Variants in CLDN10 observed in about 807,000 individuals in gnomAD.
The protein encoded by CLDN10 is claudin-10.
A neutral mutation model predicts 22.9 loss-of-function variants in CLDN10; 15 were observed. The observed-to-expected ratio is 0.65, with a 90% CI of 0.44 to 1.01. The LOEUF (loss-of-function observed/expected upper bound fraction) is 1.01, where lower values mean the gene tolerates loss of function less well. Among genes scored for constraint, CLDN10 ranks in the 50% least tolerant of loss-of-function variants. The pLI, the probability that CLDN10 is intolerant of heterozygous loss-of-function variation, is 0.00. For missense variants in CLDN10, 247 were observed against 287.8 expected, an observed-to-expected ratio of 0.86 and a Z score of 1.03; for synonymous variants, 114 against 111.4, an observed-to-expected ratio of 1.02 and a Z score of -0.15.
chr13:95,541,847 C>T (rs1364404204), intron 1 of CLDN10, among the ~76,000 whole-genome samples: 2 of 152,188 alleles, frequency 1.3e-5, no homozygotes, highest in African/African-American at 4.8e-5. Flanking sequence ...TTATATTTTT[C>T]ATATGTAAAA....
At chr13:95,517,217 C>T (rs1456174201) in intron 1 of CLDN10, among the ~76,000 whole-genome samples, 1 of 151,768 alleles carries the variant, frequency 6.6e-6, no homozygotes, top group African/African-American at 2.4e-5. Flanking sequence ...CCTTCCCTCT[C>T]TCCTTTCTTC....
chr13:95,515,587 C>A (rs1425461213), intron 1 of CLDN10, among the ~76,000 whole-genome samples: 1 of 152,124 alleles, frequency 6.6e-6, no homozygotes, highest in Non-Finnish European at 1.5e-5. Flanking sequence ...GAGTCAGGGG[C>A]CCTAACCAAG....
chr13:95,574,695 G>A (rs141793777), intron 3 of CLDN10, among the ~76,000 whole-genome samples: 3,739 of 152,186 alleles, frequency 0.025, 85 homozygotes, highest in South Asian at 0.044. Flanking sequence ...GCTTGAACTC[G>A]GGAGGTGGAG....
At chr13:95,493,924 C>T (rs1448570578) in intron 1 of CLDN10, among the ~76,000 whole-genome samples, 1 of 152,144 alleles carries the variant, frequency 6.6e-6, no homozygotes, top group Non-Finnish European at 1.5e-5. Context: ...CCACGTTGTG[C>T]ATGTATCAAA....
At chr13:95,445,132 G>A (rs1056675534) in intron 1 of CLDN10, among the ~76,000 whole-genome samples, 2 of 152,212 alleles carry the variant, frequency 1.3e-5, no homozygotes, top group Non-Finnish European at 2.9e-5. Context: ...TGATGGTGAC[G>A]ACTGAATGCA....
Position 95,434,092 on chromosome 13 carries a change from TC to T in CLDN10, c.214+51del, listed in dbSNP as rs1441308724. 6 of 1,540,816 alleles carry T rather than the reference TC, an allele frequency of 3.9e-6. No individual in the cohort carries two copies. The East Asian group carries it at 6.8e-5, about 17-fold the overall frequency. ...TTGGGGTGGAGGTAAAATGTACTTT[TC>T]CCCCCGACTGTGCTGAAGTAGCTGT... On this transcript the variant is annotated intron_variant, in intron 1 of 4. Transcript: ENST00000376873.
chr13:95,499,867 A>T (rs2138535626), intron 1 of CLDN10, among the ~76,000 whole-genome samples: 1 of 152,338 alleles, frequency 6.6e-6, no homozygotes, highest in South Asian at 2.1e-4. Context: ...ACATTGGAAG[A>T]ATTGTCTTGG....
intron 1 of CLDN10, among the ~76,000 whole-genome samples, chr13:95,476,193 G>A (rs970244044): frequency 2.0e-5 from 3 of 152,196 alleles, no homozygotes; most frequent in African/African-American, 7.2e-5. Context: ...TTGGTTAGAC[G>A]TGTGTGGAGC....
chr13:95,530,596 G>A (rs1293008918), intron 1 of CLDN10, among the ~76,000 whole-genome samples: 1 of 152,142 alleles, frequency 6.6e-6, no homozygotes, highest in African/African-American at 2.4e-5. Flanking sequence ...TCATAAAGGA[G>A]AATGTTAATG....
Position 95,517,826 on chromosome 13 carries a change from C to T in CLDN10, c.215-42306C>T, listed in dbSNP as rs530363968. Among the ~76,000 whole-genome samples the T allele has an allele frequency of 2.4e-4, 36 of 150,012 alleles. 1 individual carries two copies. The highest frequency in any genetic ancestry group is 1.3e-3 in the Admixed American group (20 of 14,836). ...GCGGGTGCCTGTAATCCCAGCTACT[C>T]AGGAGGGTAAGGCAGGAGAATCACT... is the stretch of plus-strand genomic sequence containing the variant. On this transcript the variant is annotated intron_variant, in intron 1 of 4. Transcript: ENST00000376873.
chr13:95,493,109 A>T (rs1478877333), intron 1 of CLDN10, among the ~76,000 whole-genome samples: 1 of 151,862 alleles, frequency 6.6e-6, no homozygotes, highest in African/African-American at 2.4e-5. Flanking sequence ...CTTGCAGTTG[A>T]TCTGGAGGGT....
intron 1 of CLDN10, among the ~76,000 whole-genome samples, chr13:95,485,028 A>G (rs2042790806): frequency 6.6e-6 from 1 of 152,180 alleles, no homozygotes; most frequent in Non-Finnish European, 1.5e-5. Flanking sequence ...ACAACATCCA[A>G]GCCTAGACAG....
intron 1 of CLDN10, among the ~76,000 whole-genome samples, chr13:95,497,637 T>C (rs1247387278): frequency 1.3e-5 from 2 of 152,206 alleles, no homozygotes; most frequent in East Asian, 3.8e-4. Flanking sequence ...AATCCTAGAA[T>C]AGTGAACTTC....
At chr13:95,463,286 ATATATATATATAT>A (rs1304489047) in intron 1 of CLDN10, among the ~76,000 whole-genome samples, 24 of 22,322 alleles carry the variant, frequency 1.1e-3, no homozygotes, top group African/African-American at 2.2e-3. Flanking sequence ...CAAATGCTTA[ATATATATATATAT>A]ATATATATAT....
At chr13:95,480,378 G>A (rs1443764335) in intron 1 of CLDN10, among the ~76,000 whole-genome samples, 1 of 152,202 alleles carries the variant, frequency 6.6e-6, no homozygotes, top group African/African-American at 2.4e-5. Context: ...AGAGGAGAAT[G>A]CCCTTGCCCA....
chr13:95,522,709 T>G (rs1312226970), intron 1 of CLDN10, among the ~76,000 whole-genome samples: 44 of 152,084 alleles, frequency 2.9e-4, no homozygotes, highest in Admixed American at 2.9e-3. Context: ...TATGTCAATT[T>G]CACTTTATTT....
At chr13:95,551,418 C>T (rs963602554), upstream of CLDN10, among the ~76,000 whole-genome samples, 1 of 152,162 alleles carries the variant, frequency 6.6e-6, no homozygotes, top group Non-Finnish European at 1.5e-5. Context: ...GCGTGTCCTG[C>T]TGGTCTACAG....
rs749258801 is a variant in CLDN10, at chr13:95,578,385, G to C, written c.*371G>C. The C allele has an allele frequency of 2.7e-4, 42 of 157,600 alleles. No homozygotes were observed. Among genetic ancestry groups the C allele is most frequent in the Non-Finnish European group, 4.2e-4 (30 of 71,824 alleles). The allele number at this position is 157,600 out of a possible 1,614,324, so 9.8% of individuals were successfully genotyped here. On this transcript the variant is annotated 3_prime_UTR_variant, in exon 5 of 5. Coordinates refer to ENST00000299339, the MANE Select transcript of CLDN10 (RefSeq NM_006984.5). ...TTATGTTTCTTTTCATTCATAAACA[G>C]GTGTATAAGGAACAATGTCTTATAA... is the stretch of plus-strand genomic sequence containing the variant.
At chr13:95,561,949 A>T (rs2043719375) in intron 3 of CLDN10, among the ~76,000 whole-genome samples, 2 of 144,094 alleles carry the variant, frequency 1.4e-5, no homozygotes, top group South Asian at 2.2e-4. Context: ...TTTTTTTGAG[A>T]TGGAGTTTTC....
Sources: gnomAD v4.1 joint callset for allele counts (sites outside exome capture counted in the v4.1 genomes callset) on GRCh38, gnomAD v4.1.1 for gene constraint, MANE v1.5 for transcripts, NCBI Gene and HGNC (gene_info 2026-07-23, HGNC 2026-07-21) for gene names.